The following NFIB variants were observed in gnomAD, a reference collection of about 807,000 sequenced individuals.
The protein encoded by NFIB is nuclear factor I B.
A neutral mutation model predicts 61.5 loss-of-function variants in NFIB; 11 were observed. That is an observed-to-expected ratio of 0.18 (90% CI 0.11 to 0.30). The LOEUF (loss-of-function observed/expected upper bound fraction) is 0.30, where lower values mean the gene tolerates loss of function less well. Among genes scored for constraint, NFIB ranks in the 10% least tolerant of loss-of-function variants. NFIB has a pLI of 1.00. For missense variants in NFIB, 471 were observed against 608.9 expected (o/e 0.77, Z 2.38); for synonymous variants, 260 against 216.5 (o/e 1.20, Z -1.76).
intron 10 of NFIB, among the ~76,000 whole-genome samples, chr9:14,106,520 G>A (rs1024697540): frequency 6.6e-6 from 1 of 152,058 alleles, no homozygotes; most frequent in Non-Finnish European, 1.5e-5. Flanking sequence ...GAGTTCTGTG[G>A]TCTCTGGAAA....
At chr9:14,346,607 C>T (rs940694614) in intron 1 of NFIB, among the ~76,000 whole-genome samples, 1 of 152,194 alleles carries the variant, frequency 6.6e-6, no homozygotes, top group Non-Finnish European at 1.5e-5. Context: ...CCACAACGTT[C>T]CCGTTGGCTT....
intron 2 of NFIB, among the ~76,000 whole-genome samples, chr9:14,257,777 A>T (rs1253734843): frequency 1.3e-5 from 2 of 152,140 alleles, no homozygotes; most frequent in Non-Finnish European, 2.9e-5. Flanking sequence ...AAAACGAAAG[A>T]AAGAAACATA....
chr9:14,358,726 G>GC (rs1258758993), intron 1 of NFIB, among the ~76,000 whole-genome samples: 1 of 152,088 alleles, frequency 6.6e-6, no homozygotes. Context: ...TATGACTCAG[G>GC]CCCCATCAGT....
chr9:14,304,144 A>C (rs1220668011), intron 2 of NFIB, among the ~76,000 whole-genome samples: 1 of 152,234 alleles, frequency 6.6e-6, no homozygotes, highest in Non-Finnish European at 1.5e-5. Flanking sequence ...TTCCCAAACC[A>C]TATCAGATGC....
At position 14,116,219 on chromosome 9, in the gene NFIB, G is replaced by A; in HGVS notation, c.1373C>T (p.Thr458Ile). ...LSMTDTKPITTSTEAYTASGT... is the reference protein window; with the variant it reads ...LSMTDTKPITISTEAYTASGT... ...TGAAGCTGCCTCACCTTCAGTGGAT[G>A]TAGTGATGGGTTTAGTATCTGTCAT... Residue 458 changes from threonine (T) to isoleucine (I), a missense_variant, in exon 9 of 11, where the codon ACA (threonine) becomes ATA (isoleucine). Physicochemically the swap from Thr to Ile is moderately conservative, Grantham distance 89. Transcript: ENST00000380953. 2 of 1,515,468 alleles carry A rather than the reference G, an allele frequency of 1.3e-6. No homozygotes were observed. The highest frequency in any genetic ancestry group is 1.8e-6 in the Non-Finnish European group (2 of 1,127,048). The allele number at this position is 1,515,468 out of a possible 1,614,324, so 93.9% of individuals were successfully genotyped here.
At chr9:14,094,945 G>A in intron 10 of NFIB, among the ~76,000 whole-genome samples, 1 of 152,052 alleles carries the variant, frequency 6.6e-6, no homozygotes, top group Non-Finnish European at 1.5e-5. Context: ...ATGCGTGAGT[G>A]CTAGCACTTT....
the NFIB span, among the ~76,000 whole-genome samples, chr9:14,498,802 C>G: frequency 9.8e-5 from 4 of 40,678 alleles, no homozygotes; most frequent in Admixed American, 3.1e-4. Flanking sequence ...TCCCTCCCTT[C>G]CTCCCTTCCT....
upstream of NFIB, chr9:14,314,153 G>A (rs904447140): frequency 1.7e-5 from 17 of 1,010,616 alleles, no homozygotes; most frequent in African/African-American, 2.1e-4. Flanking sequence ...CGCGGGTGGC[G>A]GGGCGCGCGC....
intron 2 of NFIB, among the ~76,000 whole-genome samples, chr9:14,301,808 T>C (rs770676644): frequency 1.1e-4 from 17 of 152,188 alleles, no homozygotes; most frequent in Non-Finnish European, 1.6e-4. Context: ...AGTGAGAAAA[T>C]TGCTAAGTAT....
the NFIB span, among the ~76,000 whole-genome samples, chr9:14,444,345 A>G: frequency 6.6e-6 from 1 of 152,218 alleles, no homozygotes; most frequent in Non-Finnish European, 1.5e-5. Flanking sequence ...ATCAAACCAG[A>G]TATAGAGTTT....
the NFIB span, among the ~76,000 whole-genome samples, chr9:14,473,318 C>A: frequency 6.6e-6 from 1 of 152,190 alleles, no homozygotes; most frequent in Non-Finnish European, 1.5e-5. Flanking sequence ...TCATTTGACA[C>A]ACGGTGAAGA....
upstream of NFIB, among the ~76,000 whole-genome samples, chr9:14,317,608 G>A (rs942822135): frequency 3.3e-5 from 5 of 152,244 alleles, no homozygotes; most frequent in Non-Finnish European, 7.3e-5. Flanking sequence ...TTATGGGGGT[G>A]CTCAGTTTCT....
At chr9:14,406,900 A>G in the NFIB span, among the ~76,000 whole-genome samples, 1 of 152,330 alleles carries the variant, frequency 6.6e-6, no homozygotes, top group South Asian at 2.1e-4. Flanking sequence ...CTTTCCCTCA[A>G]ACACCAATTG....
chr9:14,150,301 T>C, intron 4 of NFIB, 36 bp from the exon 5 acceptor site: 1 of 1,612,262 alleles, frequency 6.2e-7, no homozygotes. Context: ...GGGAATGACA[T>C]TCGTATTTCT....
At chr9:14,445,774 G>C in the NFIB span, among the ~76,000 whole-genome samples, 1 of 152,132 alleles carries the variant, frequency 6.6e-6, no homozygotes, top group African/African-American at 2.4e-5. Flanking sequence ...AGATTAACCT[G>C]ACACTATTTA....
At chr9:14,133,688 G>A (rs1014246775) in intron 6 of NFIB, among the ~76,000 whole-genome samples, 8 of 152,144 alleles carry the variant, frequency 5.3e-5, no homozygotes, top group African/African-American at 1.9e-4. Flanking sequence ...GTGTTGAAGA[G>A]AGGAAAGTGT....
the NFIB span, among the ~76,000 whole-genome samples, chr9:14,434,641 C>G: frequency 6.6e-6 from 1 of 152,178 alleles, no homozygotes; most frequent in Non-Finnish European, 1.5e-5. Context: ...AGAATCATCT[C>G]AGCAAGAAAA....
intron 2 of NFIB, among the ~76,000 whole-genome samples, chr9:14,215,131 C>T (rs10115426): frequency 0.3 from 45,021 of 147,838 alleles, 13,216 homozygotes; most frequent in African/African-American, 0.78. Flanking sequence ...TCAAGCTCAA[C>T]AATTGGGTGC....
chr9:14,517,430 G>C, the NFIB span, among the ~76,000 whole-genome samples: 1 of 152,216 alleles, frequency 6.6e-6, no homozygotes, highest in African/African-American at 2.4e-5. Context: ...GAATGCTGCT[G>C]ATAAGGATTA....
Sources: gnomAD v4.1 joint callset for allele counts (sites outside exome capture counted in the v4.1 genomes callset) on GRCh38, gnomAD v4.1.1 for gene constraint, MANE v1.5 for transcripts, NCBI Gene and HGNC (gene_info 2026-07-23, HGNC 2026-07-21) for gene names.